Variants in MMRN1 observed in about 807,000 individuals in gnomAD.
MMRN1 encodes multimerin 1, also known as multimerin-1.
MMRN1 carries 94 observed loss-of-function variants against 100.7 expected under a neutral mutation model. The ratio of observed to expected loss-of-function variants is 0.93; its 90% confidence interval spans 0.79 to 1.11. The LOEUF is 1.11. MMRN1 is among the 50% of genes least tolerant of loss of function. The pLI is 0.00. For missense variants in MMRN1, 1,606 were observed against 1,439.1 expected (o/e 1.12, Z -1.88); for synonymous variants, 575 against 505.0 (o/e 1.14, Z -1.86).
In MMRN1 at chr4:89,935,845, T is replaced by G. The variant is rs747437052; in HGVS notation, c.2165T>G (p.Leu722Ter). ...GAAAGACGTATCAATGAATATGCCTTAGAAATGGAAGATGGCCTCAATAAG... is the reference window on the plus strand; with the variant it reads ...GAAAGACGTATCAATGAATATGCCTGAGAAATGGAAGATGGCCTCAATAAG... ...ALERRINEYA[L>*]EMEDGLNKTM... is the part of the protein sequence containing the mutation. The change falls in exon 6 of 8, where the codon TTA (leucine) becomes TGA (stop). Residue 722 changes from leucine (L) to a stop codon, truncating the protein, a stop_gained. Transcript: ENST00000264790. LOFTEE classifies it high-confidence loss of function. 1 of 1,612,972 alleles carries G rather than the reference T, an allele frequency of 6.2e-7. No homozygotes were observed. Among genetic ancestry groups the G allele is most frequent in the South Asian group, 1.1e-5 (1 of 90,914 alleles).
chr4:89,954,142 A>G lies in MMRN1; in HGVS notation c.*724A>G, dbSNP rs1192933624. ...GTCTTTTTCTAATAAGTATTCTTCTATGGTAGTACCTACAGATCTGCCCTT... is the reference window on the plus strand; with the variant it reads ...GTCTTTTTCTAATAAGTATTCTTCTGTGGTAGTACCTACAGATCTGCCCTT... On this transcript the variant is annotated 3_prime_UTR_variant, in exon 8 of 8. Transcript: ENST00000264790. The G allele has an allele frequency of 1.3e-5, 2 of 152,198 alleles. No individual in the cohort carries two copies. The highest frequency in any genetic ancestry group is 4.8e-5 in the African/African-American group (2 of 41,432). The allele number at this position is 152,198 out of a possible 1,614,324, so 9.4% of individuals were successfully genotyped here.
At chr4:89,921,817 C>A (rs1183699687) in intron 3 of MMRN1, among the ~76,000 whole-genome samples, 1 of 152,064 alleles carries the variant, frequency 6.6e-6, no homozygotes, top group Non-Finnish European at 1.5e-5. Flanking sequence ...ATAGACTCAC[C>A]CAAATTAATG....
In MMRN1 at chr4:89,935,619, G is replaced by A; in HGVS notation, c.1939G>A (p.Glu647Lys). 1 of 1,613,496 alleles carries A rather than the reference G, an allele frequency of 6.2e-7. No homozygotes were observed. The highest frequency in any genetic ancestry group is 8.5e-7 in the Non-Finnish European group (1 of 1,179,734). Reference sequence around the variant, plus strand: ...ACTAAATGATTTGACTTATGATATGGAGATCCTTCAACCCTTGCTTGAGCA... The same window carrying A: ...ACTAAATGATTTGACTTATGATATGAAGATCCTTCAACCCTTGCTTGAGCA... Reference protein sequence around the residue: ...EQLNDLTYDMEILQPLLEQGA... With the variant: ...EQLNDLTYDMKILQPLLEQGA... The change falls in exon 6 of 8, where the codon GAG becomes AAG. Residue 647 changes from glutamate (E) to lysine (K), a missense_variant. By Grantham distance (56) the Glu-to-Lys change is moderately conservative. Coordinates refer to ENST00000264790, the MANE Select transcript of MMRN1 (RefSeq NM_007351.3).
At chr4:89,899,689 A>C (rs1353574436) in intron 1 of MMRN1, among the ~76,000 whole-genome samples, 1 of 152,084 alleles carries the variant, frequency 6.6e-6, no homozygotes, top group Non-Finnish European at 1.5e-5. Context: ...CTTAATTTTT[A>C]CCAAATCAGT....
chr4:89,935,444 C>T lies in MMRN1; in HGVS notation c.1764C>T (p.Leu588=), dbSNP rs1423810926. 2 of 1,613,346 alleles carry T rather than the reference C, an allele frequency of 1.2e-6. No homozygotes were observed. Among genetic ancestry groups the T allele is most frequent in the Non-Finnish European group, 1.7e-6 (2 of 1,179,732 alleles). The change falls in exon 6 of 8, where the codon CTC becomes CTT. Residue 588 remains leucine, a synonymous_variant. Coordinates refer to ENST00000264790, the MANE Select transcript of MMRN1 (RefSeq NM_007351.3). ...CTTTGGAGATGGAGAAAGAGTCTCTCAGAGGTGAATGTGAAGACATGTTAT... is the reference window on the plus strand; with the variant it reads ...CTTTGGAGATGGAGAAAGAGTCTCTTAGAGGTGAATGTGAAGACATGTTAT... ...TVSLEMEKES[L]RGECEDMLSK...
rs777048531 is a variant in MMRN1 at position 89,935,698 on chromosome 4, T to A, written c.2018T>A (p.Val673Glu). 2 of 1,612,384 alleles carry A rather than the reference T, an allele frequency of 1.2e-6. No homozygotes were observed. The highest frequency in any genetic ancestry group is 3.3e-5 in the Admixed American group (2 of 59,818). The change falls in exon 6 of 8, where the codon GTG becomes GAG. Residue 673 changes from valine (V) to glutamate (E), a missense_variant. Physicochemically the swap from Val to Glu is moderately radical, Grantham distance 121. Coordinates refer to ENST00000264790, the MANE Select transcript of MMRN1 (RefSeq NM_007351.3). ...MTYEQPKEAIVIRKKIENLTS... is the reference protein window; with the variant it reads ...MTYEQPKEAIEIRKKIENLTS... ...TATGAACAACCAAAGGAAGCAATAGTGATAAGGAAAAAGATAGAAAATCTG... is the reference window on the plus strand; with the variant it reads ...TATGAACAACCAAAGGAAGCAATAGAGATAAGGAAAAAGATAGAAAATCTG...
At chr4:89,882,976 TTCTTGC>T (rs1720853722) in intron 1 of MMRN1, among the ~76,000 whole-genome samples, 1 of 152,074 alleles carries the variant, frequency 6.6e-6, no homozygotes, top group Non-Finnish European at 1.5e-5. Context: ...AAATTAGTAT[TTCTTGC>T]TCTTGAACTT....
intron 6 of MMRN1, among the ~76,000 whole-genome samples, chr4:89,939,829 A>T (rs532585121): frequency 6.6e-6 from 1 of 152,252 alleles, no homozygotes; most frequent in Non-Finnish European, 1.5e-5. Flanking sequence ...CCAAATACTG[A>T]CAAGTTGTTT....
intron 6 of MMRN1, among the ~76,000 whole-genome samples, chr4:89,944,505 A>G (rs911695742): frequency 6.6e-6 from 1 of 152,228 alleles, no homozygotes; most frequent in African/African-American, 2.4e-5. Context: ...GACAATGATG[A>G]CACTATGGAT....
At chr4:89,941,010 A>C (rs916775972) in intron 6 of MMRN1, among the ~76,000 whole-genome samples, 1 of 152,162 alleles carries the variant, frequency 6.6e-6, no homozygotes, top group African/African-American at 2.4e-5. Context: ...GTGTAAAAAC[A>C]TGTGCATTGA....
rs774290536 is a variant in MMRN1 at position 89,895,234 on chromosome 4, C to G, written c.263C>G (p.Thr88Arg). 14 of 1,613,878 alleles carry G rather than the reference C, an allele frequency of 8.7e-6. No individual in the cohort carries two copies. Among genetic ancestry groups the G allele is most frequent in the Non-Finnish European group, 1.1e-5 (13 of 1,179,930 alleles). ...AAATCAACACTGCCTCCCTCAGAAACAAGTGCACCTGCTGAGGGTGTGAGA... is the reference window on the plus strand; with the variant it reads ...AAATCAACACTGCCTCCCTCAGAAAGAAGTGCACCTGCTGAGGGTGTGAGA... ...LLKSTLPPSE[T>R]SAPAEGVRNQ... The change falls in exon 1 of 8, where the codon ACA becomes AGA. Residue 88 changes from threonine (T) to arginine (R), a missense_variant. Thr to Arg is a moderately conservative substitution (Grantham distance 71). Transcript: ENST00000264790.
chr4:89,902,952 A>G (rs968957369), intron 1 of MMRN1, among the ~76,000 whole-genome samples: 2 of 152,024 alleles, frequency 1.3e-5, no homozygotes, highest in African/African-American at 4.8e-5. Context: ...TAAAAGAACC[A>G]CAAACATAAA....
At chr4:89,946,742 G>A (rs1392267086) in intron 6 of MMRN1, among the ~76,000 whole-genome samples, 1 of 152,146 alleles carries the variant, frequency 6.6e-6, no homozygotes, top group Admixed American at 6.5e-5. Context: ...GTACATTTAT[G>A]AAATATGAAA....
chr4:89,914,862 T>C (rs183086690), intron 3 of MMRN1, among the ~76,000 whole-genome samples: 118 of 151,630 alleles, frequency 7.8e-4, no homozygotes, highest in Non-Finnish European at 1.5e-3. Flanking sequence ...CAAAGGGCAA[T>C]GATTTAAATA....
In MMRN1 at chr4:89,952,987, C is replaced by T; in HGVS notation, c.3266-10C>T. ...TGAAAATTAACTCTTGCCATTTTTT[C>T]CTCTAACAGATTTTTCCAAAGGATC... On this transcript the variant is annotated splice_polypyrimidine_tract_variant and intron_variant, in intron 7 of 7. Transcript: ENST00000264790. The T allele has an allele frequency of 1.3e-6, 2 of 1,548,046 alleles. No homozygotes were observed. The highest frequency in any genetic ancestry group is 2.1e-5 in the Admixed American group (1 of 47,422).
intron 3 of MMRN1, among the ~76,000 whole-genome samples, chr4:89,920,314 T>C (rs1245768261): frequency 1.3e-5 from 2 of 152,132 alleles, no homozygotes; most frequent in Non-Finnish European, 2.9e-5. Context: ...GGAGCAACAG[T>C]CTGGCTTTTG....
chr4:89,943,613 A>G (rs546486112), intron 6 of MMRN1, among the ~76,000 whole-genome samples: 2 of 152,290 alleles, frequency 1.3e-5, no homozygotes, highest in African/African-American at 4.8e-5. Context: ...TGATTCAACA[A>G]ATATTACGTA....
chr4:89,907,499 C>T (rs2110592995), intron 1 of MMRN1, among the ~76,000 whole-genome samples: 1 of 151,418 alleles, frequency 6.6e-6, no homozygotes, highest in East Asian at 1.9e-4. Flanking sequence ...ATTCATTAAG[C>T]TTCTTAGATA....
At chr4:89,942,567 T>C (rs1722866927) in intron 6 of MMRN1, among the ~76,000 whole-genome samples, 3 of 152,180 alleles carry the variant, frequency 2.0e-5, no homozygotes, top group Admixed American at 6.6e-5. Context: ...AGTTTTACTA[T>C]ACATAGCTTA....
Sources: gnomAD v4.1 joint callset for allele counts (sites outside exome capture counted in the v4.1 genomes callset) on GRCh38, gnomAD v4.1.1 for gene constraint, MANE v1.5 for transcripts, NCBI Gene and HGNC (gene_info 2026-07-23, HGNC 2026-07-21) for gene names.